The following PALLD variants were observed in gnomAD, a reference collection of about 807,000 sequenced individuals.
PALLD encodes palladin.
Under a neutral mutation model 123.5 loss-of-function variants are expected in PALLD, and 61 were observed. The observed-to-expected ratio is 0.49, with a 90% CI of 0.40 to 0.61. PALLD has a LOEUF of 0.61. Ranked by LOEUF, PALLD falls within the 20% of genes least tolerant of loss-of-function variation. PALLD has a pLI of 0.00. For synonymous variants in PALLD, 465 were observed against 496.4 expected, an observed-to-expected ratio of 0.94 and a Z score of 0.84; for missense variants, 1,273 against 1,377.0, an observed-to-expected ratio of 0.92 and a Z score of 1.20.
At chr4:168,745,078 T>A (rs531573277) in intron 10 of PALLD, among the ~76,000 whole-genome samples, 2 of 152,200 alleles carry the variant, frequency 1.3e-5, no homozygotes, top group East Asian at 3.8e-4. Context: ...TGACCTTGAA[T>A]AAGTCACTTA....
At chr4:168,808,730 G>C (rs1170616871) in intron 10 of PALLD, among the ~76,000 whole-genome samples, 1 of 152,204 alleles carries the variant, frequency 6.6e-6, no homozygotes, top group Non-Finnish European at 1.5e-5. Context: ...CACTGTTAGA[G>C]AGCATGAGAG....
At chr4:168,636,081 G>A (rs931838148) in intron 2 of PALLD, among the ~76,000 whole-genome samples, 2 of 152,142 alleles carry the variant, frequency 1.3e-5, no homozygotes, top group African/African-American at 4.8e-5. Flanking sequence ...AGCAGGTAGG[G>A]CAGGTGGCGT....
At chr4:168,790,693 T>C (rs1737390993) in intron 10 of PALLD, among the ~76,000 whole-genome samples, 2 of 152,194 alleles carry the variant, frequency 1.3e-5, no homozygotes, top group African/African-American at 4.8e-5. Context: ...TGTCATGCTG[T>C]TTTAATTATT....
At chr4:168,631,633 CCGG>C in intron 2 of PALLD, 4 of 985,558 alleles carry the variant, frequency 4.1e-6, no homozygotes, top group Non-Finnish European at 4.8e-6. Flanking sequence ...GCGCTGGAGA[CCGG>C]CGGCCTCTCA....
At chr4:168,605,493 G>A (rs62335532) in intron 2 of PALLD, among the ~76,000 whole-genome samples, 12,899 of 152,158 alleles carry the variant, frequency 0.085, 740 homozygotes, top group Non-Finnish European at 0.12. Context: ...CCATACAGCT[G>A]GCTGTTTGGG....
intron 10 of PALLD, among the ~76,000 whole-genome samples, chr4:168,885,083 C>T (rs1753153468): frequency 6.6e-6 from 1 of 152,230 alleles, no homozygotes; most frequent in African/African-American, 2.4e-5. Context: ...TCTTTATTCA[C>T]GCTGACTCTG....
chr4:168,918,806 C>T (rs1170271428), intron 17 of PALLD, among the ~76,000 whole-genome samples: 1 of 152,006 alleles, frequency 6.6e-6, no homozygotes, highest in Non-Finnish European at 1.5e-5. Flanking sequence ...TTAAAAAACA[C>T]TTAAAAAAAT....
intron 2 of PALLD, among the ~76,000 whole-genome samples, chr4:168,525,121 T>C (rs1763921174): frequency 6.6e-6 from 1 of 152,176 alleles, no homozygotes; most frequent in South Asian, 2.1e-4. Context: ...CAACATGGAA[T>C]TATTCCATGG....
chr4:168,896,720 A>G (rs1169663941), intron 13 of PALLD, 121 bp downstream of exon 13: 1 of 649,350 alleles, frequency 1.5e-6, no homozygotes, highest in African/African-American at 1.9e-5. Context: ...TGCTATGACC[A>G]GTGTCTGTTT....
intron 2 of PALLD, among the ~76,000 whole-genome samples, chr4:168,624,867 C>T (rs1775088558): frequency 6.6e-6 from 1 of 152,026 alleles, no homozygotes; most frequent in African/African-American, 2.4e-5. Context: ...GTCCAAGACA[C>T]ATATGAAAAA....
intron 3 of PALLD, among the ~76,000 whole-genome samples, chr4:168,672,725 T>G (rs1006127039): frequency 1.3e-5 from 2 of 152,242 alleles, no homozygotes; most frequent in African/African-American, 2.4e-5. Flanking sequence ...CCCAAAGTGC[T>G]GGGATTACAG....
chr4:168,507,760 C>T (rs1561186711), intron 1 of PALLD: 1 of 178,866 alleles, frequency 5.6e-6, no homozygotes, highest in Non-Finnish European at 1.2e-5. Flanking sequence ...CTACCCATAA[C>T]ATAAAATGCA....
At chr4:168,870,874 C>G (rs1164138749) in intron 10 of PALLD, among the ~76,000 whole-genome samples, 1 of 152,184 alleles carries the variant, frequency 6.6e-6, no homozygotes. Context: ...TAAGAATACT[C>G]TCTTAGGAAA....
chr4:168,829,174 G>T (rs1743840701), intron 10 of PALLD: 1 of 152,172 alleles, frequency 6.6e-6, no homozygotes, highest in Admixed American at 6.5e-5. Context: ...TGCAAACATT[G>T]GAATATTCAG....
Position 168,641,199 on chromosome 4 carries a change from C to T in PALLD, c.909-26991C>T, listed in dbSNP as rs546208433. Among the ~76,000 whole-genome samples the T allele has an allele frequency of 2.9e-3, 421 of 142,978 alleles. 2 individuals are homozygous for T. Among genetic ancestry groups the T allele is most frequent in the African/African-American group, 0.011 (396 of 37,402 alleles). The allele number at this position is 142,978 out of a possible 152,430, so 93.8% of individuals were successfully genotyped here. On this transcript the variant is annotated intron_variant, in intron 2 of 21. Transcript: ENST00000505667. ...CTCCAGCCTGGGCGACAGAGCGAGA[C>T]TCCATCTCAAAAAAAAAAAAAAAGA...
intron 2 of PALLD, chr4:168,631,473 T>C (rs1775796143): frequency 2.5e-6 from 1 of 401,186 alleles, no homozygotes; most frequent in Non-Finnish European, 3.4e-6. Context: ...AAAGCCGTCC[T>C]AAGTGCGATA....
intron 10 of PALLD, among the ~76,000 whole-genome samples, chr4:168,759,240 TATATAG>T (rs1285170992): frequency 5.3e-5 from 6 of 113,972 alleles, no homozygotes; most frequent in African/African-American, 1.8e-4. Context: ...TATATATATA[TATATAG>T]AAACAATATA....
intron 15 of PALLD, among the ~76,000 whole-genome samples, chr4:168,912,623 A>G (rs901968067): frequency 2.0e-5 from 3 of 152,198 alleles, no homozygotes; most frequent in South Asian, 2.1e-4. Context: ...ATGATTATAC[A>G]TATTTATGAG....
intron 2 of PALLD, chr4:168,648,425 G>C (rs546703773): frequency 1.1e-4 from 17 of 152,286 alleles, no homozygotes; most frequent in African/African-American, 3.9e-4. Flanking sequence ...ATAAGTGAAA[G>C]CTTTTTCGGT....
Sources: allele counts gnomAD v4.1 joint callset (sites outside exome capture counted in the v4.1 genomes callset), GRCh38; gene constraint gnomAD v4.1.1; transcripts MANE v1.5; gene names NCBI Gene and HGNC (gene_info 2026-07-23, HGNC 2026-07-21).